FHIP1A: variants seen among roughly 807,000 people sequenced by gnomAD.
FHIP1A encodes FHF complex subunit HOOK-interacting protein 1A.
In FHIP1A, 61 loss-of-function variants were observed where a neutral mutation model predicts 88.6. The observed-to-expected ratio is 0.69, with a 90% CI of 0.56 to 0.85. The LOEUF is 0.85. FHIP1A is among the 40% of genes least tolerant of loss of function. The pLI is 0.00. For synonymous variants in FHIP1A, 478 were observed against 496.0 expected (o/e 0.96, Z 0.48); for missense variants, 1,154 against 1,273.5 (o/e 0.91, Z 1.43).
Position 151,461,413 on chromosome 4 carries a change from C to A in FHIP1A, c.-248+6605C>A, listed in dbSNP as rs549106159. Among the ~76,000 whole-genome samples the A allele has an allele frequency of 1.3e-5, 2 of 152,228 alleles. 1 individual carries two copies. Among genetic ancestry groups the A allele is most frequent in the Middle Eastern group, 6.8e-3 (2 of 294 alleles). ...AGGTATGGTGGGCATGGCACTCATT[C>A]TCGTGACAATACCATGGTAGGATGA... On this transcript the variant is annotated intron_variant, in intron 2 of 13. Coordinates refer to ENST00000435205, the MANE Select transcript of FHIP1A (RefSeq NM_001109977.3).
intron 3 of FHIP1A, among the ~76,000 whole-genome samples, chr4:151,560,828 A>G (rs1733146784): frequency 6.6e-6 from 1 of 152,164 alleles, no homozygotes; most frequent in African/African-American, 2.4e-5. Flanking sequence ...TAATTTTTAC[A>G]TTCTAAATCC....
intron 11 of FHIP1A, among the ~76,000 whole-genome samples, chr4:151,654,340 T>G (rs1737150273): frequency 2.0e-5 from 3 of 149,360 alleles, no homozygotes; most frequent in Admixed American, 1.3e-4. Context: ...CCTCACCCCT[T>G]ATAGTAGTGA....
intron 1 of FHIP1A, chr4:151,436,591 C>A (rs1186141565): frequency 6.6e-6 from 1 of 152,132 alleles, no homozygotes; most frequent in Non-Finnish European, 1.5e-5. Flanking sequence ...CCCTCGGTAT[C>A]TGTGAGGAAC....
intron 6 of FHIP1A, 28 bp downstream of exon 6, chr4:151,586,827 T>G: frequency 4.0e-6 from 6 of 1,499,758 alleles, no homozygotes; most frequent in Non-Finnish European, 5.4e-6. Context: ...AGGATCCCTT[T>G]GCTATGGCTT....
intron 3 of FHIP1A, among the ~76,000 whole-genome samples, chr4:151,487,212 A>G (rs181173869): frequency 4.5e-4 from 69 of 152,102 alleles, no homozygotes; most frequent in Non-Finnish European, 8.2e-4. Flanking sequence ...CCTATGGATG[A>G]TGGTATATTT....
chr4:151,526,141 T>G (rs1731624185), intron 3 of FHIP1A, among the ~76,000 whole-genome samples: 1 of 152,070 alleles, frequency 6.6e-6, no homozygotes, highest in African/African-American at 2.4e-5. Flanking sequence ...AAATGAAAAG[T>G]CTCCCATGTC....
At chr4:151,480,620 G>A (rs1157638382) in intron 2 of FHIP1A, among the ~76,000 whole-genome samples, 1 of 152,050 alleles carries the variant, frequency 6.6e-6, no homozygotes, top group Non-Finnish European at 1.5e-5. Flanking sequence ...TTGGTTATGA[G>A]GTGATACTGG....
chr4:151,428,555 T>C (rs1437898611), intron 1 of FHIP1A, among the ~76,000 whole-genome samples: 2 of 152,172 alleles, frequency 1.3e-5, no homozygotes, highest in African/African-American at 4.8e-5. Context: ...ATTTAAACAA[T>C]GTAGATTTCA....
chr4:151,544,977 A>G (rs1330005924), intron 3 of FHIP1A, among the ~76,000 whole-genome samples: 2 of 152,130 alleles, frequency 1.3e-5, no homozygotes, highest in African/African-American at 2.4e-5. Context: ...GGAGAGGCTG[A>G]GGTGGGAGGA....
chr4:151,520,285 G>C (rs1180788449), intron 3 of FHIP1A, among the ~76,000 whole-genome samples: 1 of 152,056 alleles, frequency 6.6e-6, no homozygotes, highest in Non-Finnish European at 1.5e-5. Context: ...TGGATATCTA[G>C]TTATTCCAGC....
chr4:151,453,024 GT>G (rs1001185933), intron 1 of FHIP1A, among the ~76,000 whole-genome samples: 15 of 145,082 alleles, frequency 1.0e-4, no homozygotes, highest in African/African-American at 2.0e-4. Flanking sequence ...GGACATAGTT[GT>G]TTTTTTTTTG....
At chr4:151,516,144 C>G (rs1017230385) in intron 3 of FHIP1A, among the ~76,000 whole-genome samples, 4 of 152,152 alleles carry the variant, frequency 2.6e-5, no homozygotes, top group Non-Finnish European at 4.4e-5. Flanking sequence ...AGAAATAACG[C>G]CGCATGTCTA....
At chr4:151,490,724 A>C (rs934762141) in intron 3 of FHIP1A, among the ~76,000 whole-genome samples, 1 of 133,718 alleles carries the variant, frequency 7.5e-6, no homozygotes, top group Admixed American at 7.4e-5. Flanking sequence ...GAAAGGTGAA[A>C]ACCGACTTAA....
intron 1 of FHIP1A, among the ~76,000 whole-genome samples, chr4:151,438,521 AC>A (rs1476086947): frequency 1.5e-4 from 23 of 152,242 alleles, no homozygotes; most frequent in African/African-American, 4.1e-4. Context: ...AAACAAAAAA[AC>A]AAAACAAAAC....
intron 7 of FHIP1A, among the ~76,000 whole-genome samples, chr4:151,621,910 C>T (rs1203397024): frequency 6.6e-6 from 1 of 152,016 alleles, no homozygotes; most frequent in African/African-American, 2.4e-5. Context: ...GAAAATTTCC[C>T]CTGCTGTTCA....
chr4:151,497,763 A>G (rs1469168372), intron 3 of FHIP1A, among the ~76,000 whole-genome samples: 1 of 152,188 alleles, frequency 6.6e-6, no homozygotes, highest in East Asian at 1.9e-4. Context: ...ATTGTCCTTG[A>G]CCATGCTTTG....
chr4:151,442,308 A>G (rs1728441672), intron 1 of FHIP1A, among the ~76,000 whole-genome samples: 1 of 152,116 alleles, frequency 6.6e-6, no homozygotes. Context: ...TGTTGGTTGC[A>G]AAGAACAGAA....
At chr4:151,661,565 C>T (rs1737458206) in intron 13 of FHIP1A, among the ~76,000 whole-genome samples, 1 of 151,744 alleles carries the variant, frequency 6.6e-6, no homozygotes, top group Non-Finnish European at 1.5e-5. Context: ...TAATGAAGAA[C>T]TTGAATATAA....
chr4:151,589,401 G>T (rs1337863357), intron 7 of FHIP1A, among the ~76,000 whole-genome samples: 1 of 151,654 alleles, frequency 6.6e-6, no homozygotes. Flanking sequence ...GCCAAATTAA[G>T]GTCCCATCAA....
Sources: gnomAD v4.1 joint callset for allele counts (sites outside exome capture counted in the v4.1 genomes callset) on GRCh38, gnomAD v4.1.1 for gene constraint, MANE v1.5 for transcripts, NCBI Gene and HGNC (gene_info 2026-07-23, HGNC 2026-07-21) for gene names.